NCKAP5: variants seen among roughly 807,000 people sequenced by gnomAD.
The protein encoded by NCKAP5 is nck-associated protein 5.
In NCKAP5, 92 loss-of-function variants were observed where a neutral mutation model predicts 167.0. That is an observed-to-expected ratio of 0.55 (90% CI 0.47 to 0.66). The LOEUF (loss-of-function observed/expected upper bound fraction) is 0.66. NCKAP5 is among the 30% of genes least tolerant of loss of function. The probability of loss-of-function intolerance (pLI) is 0.00; values close to 1 mark genes in which losing one functional copy is unlikely to be tolerated. For synonymous variants in NCKAP5, 891 were observed against 877.4 expected, an observed-to-expected ratio of 1.02 and a Z score of -0.27; for missense variants, 2,378 against 2,315.0, an observed-to-expected ratio of 1.03 and a Z score of -0.56.
intron 6 of NCKAP5, among the ~76,000 whole-genome samples, chr2:133,055,981 A>G (rs952771842): frequency 1.4e-4 from 22 of 152,336 alleles, no homozygotes; most frequent in Middle Eastern, 6.8e-3. Context: ...TATTAAAAGA[A>G]TATTACAAGA....
At chr2:132,781,271 C>T (rs759707800) in intron 14 of NCKAP5, 42 bp from the exon 15 acceptor site, 1 of 1,563,674 alleles carries the variant, frequency 6.4e-7, no homozygotes, top group Middle Eastern at 1.7e-4. Context: ...TACCTTGCTC[C>T]TTCTTCAATC....
chr2:132,873,026 C>A (rs1690953064), intron 9 of NCKAP5, among the ~76,000 whole-genome samples: 1 of 152,142 alleles, frequency 6.6e-6, no homozygotes, highest in Non-Finnish European at 1.5e-5. Flanking sequence ...AGCCGTCACC[C>A]CTAAATGTGA....
In NCKAP5 at chr2:133,152,436, C is replaced by T. The variant is rs890984540; in HGVS notation, c.208-22325G>A. 3.3e-5 allele frequency among the ~76,000 whole-genome samples: 5 copies of T among 152,124 alleles called. 1 individual carries two copies. Among genetic ancestry groups the T allele is most frequent in the South Asian group, 4.1e-4 (2 of 4,822 alleles). ...AGTTACTTTACTCCTGTGAGATGTA[C>T]GCCGAATGCATTAATAAACTTGAGT... is the stretch of plus-strand genomic sequence containing the variant. On this transcript the variant is annotated intron_variant, in intron 5 of 19. Coordinates refer to ENST00000409261, the MANE Select transcript of NCKAP5 (RefSeq NM_207363.3).
intron 5 of NCKAP5, among the ~76,000 whole-genome samples, chr2:133,208,497 A>G (rs1195409738): frequency 6.6e-6 from 1 of 152,216 alleles, no homozygotes; most frequent in African/African-American, 2.4e-5. Context: ...ATGCCACAAA[A>G]AACCTAACCA....
Position 133,074,953 on chromosome 2 carries a change from C to T in NCKAP5, c.341+55025G>A, listed in dbSNP as rs545492522. Among the ~76,000 whole-genome samples, 6 of 152,082 alleles carry T rather than the reference C, an allele frequency of 3.9e-5. No homozygotes were observed. In the East Asian group the frequency reaches 1.2e-3, roughly 29 times the overall value. ...GAAGAAATGATAGCCGAATACCTTCCAAATTTAACAAAAGTCATAAACTGA... is the reference window on the plus strand; with the variant it reads ...GAAGAAATGATAGCCGAATACCTTCTAAATTTAACAAAAGTCATAAACTGA... On this transcript the variant is annotated intron_variant, in intron 6 of 19. Coordinates refer to ENST00000409261, the MANE Select transcript of NCKAP5 (RefSeq NM_207363.3).
At chr2:133,221,279 T>C (rs1364918650) in intron 4 of NCKAP5, among the ~76,000 whole-genome samples, 2 of 152,178 alleles carry the variant, frequency 1.3e-5, no homozygotes, top group African/African-American at 4.8e-5. Flanking sequence ...TATTAAAGAA[T>C]CCCATAATAC....
chr2:133,526,658 T>C (rs1469754214), intron 2 of NCKAP5, among the ~76,000 whole-genome samples: 1 of 152,156 alleles, frequency 6.6e-6, no homozygotes, highest in Non-Finnish European at 1.5e-5. Flanking sequence ...TCAAACCATC[T>C]GTTCCTTCTC....
chr2:133,322,274 G>T (rs557394713), intron 3 of NCKAP5, among the ~76,000 whole-genome samples: 1 of 152,162 alleles, frequency 6.6e-6, no homozygotes, highest in African/African-American at 2.4e-5. Flanking sequence ...CTAGGAGAAT[G>T]AGACAAAGCA....
At chr2:133,533,452 C>A (rs1685520659) in intron 2 of NCKAP5, among the ~76,000 whole-genome samples, 1 of 152,176 alleles carries the variant, frequency 6.6e-6, no homozygotes, top group Non-Finnish European at 1.5e-5. Context: ...TTCTTATAAA[C>A]CTTCCTCTTT....
intron 3 of NCKAP5, among the ~76,000 whole-genome samples, chr2:133,422,026 A>G (rs933168747): frequency 5.9e-5 from 9 of 152,236 alleles, no homozygotes; most frequent in Non-Finnish European, 1.3e-4. Context: ...TCCACTCCCC[A>G]GATTCTAGTG....
chr2:133,118,670 G>T (rs974223276), intron 6 of NCKAP5: 2 of 152,120 alleles, frequency 1.3e-5, no homozygotes, highest in Admixed American at 1.3e-4. Flanking sequence ...GAGTAAAGTA[G>T]AATATTATAA....
intron 17 of NCKAP5, 45 bp downstream of exon 17, chr2:132,731,692 T>G (rs780555440): frequency 3.3e-6 from 5 of 1,516,350 alleles, no homozygotes; most frequent in Non-Finnish European, 4.4e-6. Context: ...TTCCCTTTTT[T>G]TTGTCAGCAA....
chr2:133,489,754 C>T (rs1681273924), intron 3 of NCKAP5, among the ~76,000 whole-genome samples: 1 of 152,166 alleles, frequency 6.6e-6, no homozygotes, highest in South Asian at 2.1e-4. Context: ...AGCACTCAGT[C>T]AATCTGGCTA....
At chr2:132,708,255 T>C (rs973172255) in intron 19 of NCKAP5, among the ~76,000 whole-genome samples, 1 of 151,920 alleles carries the variant, frequency 6.6e-6, no homozygotes, top group Admixed American at 6.6e-5. Flanking sequence ...CAAATGGGCT[T>C]TTAGGGTCAT....
chr2:133,438,612 G>T (rs1690645746), intron 3 of NCKAP5, among the ~76,000 whole-genome samples: 1 of 152,184 alleles, frequency 6.6e-6, no homozygotes, highest in East Asian at 1.9e-4. Flanking sequence ...TGAGTTACAG[G>T]CTGGGGGTTA....
intron 6 of NCKAP5, among the ~76,000 whole-genome samples, chr2:133,074,171 A>G (rs906300054): frequency 1.4e-4 from 21 of 152,348 alleles, no homozygotes; most frequent in African/African-American, 4.6e-4. Flanking sequence ...ATTTGTCTCT[A>G]TATTTTGACT....
intron 11 of NCKAP5, among the ~76,000 whole-genome samples, chr2:132,822,523 G>A (rs949297671): frequency 6.6e-6 from 1 of 152,196 alleles, no homozygotes; most frequent in African/African-American, 2.4e-5. Context: ...CACATCAAGG[G>A]AGCACCCCGT....
At chr2:133,352,349 C>T (rs1479716311) in intron 3 of NCKAP5, among the ~76,000 whole-genome samples, 1 of 152,256 alleles carries the variant, frequency 6.6e-6, no homozygotes, top group Non-Finnish European at 1.5e-5. Flanking sequence ...CTGTGCCTGA[C>T]ATGCATAAGT....
chr2:132,973,623 T>A (rs1318930864), intron 7 of NCKAP5, among the ~76,000 whole-genome samples: 2 of 152,132 alleles, frequency 1.3e-5, no homozygotes, highest in Non-Finnish European at 2.9e-5. Flanking sequence ...TAATACATAA[T>A]TTCATTAAGA....
Sources: gnomAD v4.1 joint callset for allele counts (sites outside exome capture counted in the v4.1 genomes callset) on GRCh38, gnomAD v4.1.1 for gene constraint, MANE v1.5 for transcripts, NCBI Gene and HGNC (gene_info 2026-07-23, HGNC 2026-07-21) for gene names.